CACNA1C: variants seen among roughly 807,000 people sequenced by gnomAD.
CACNA1C encodes the protein voltage-dependent L-type calcium channel subunit alpha-1C.
In CACNA1C, 30 loss-of-function variants were observed where a neutral mutation model predicts 229.0. The observed-to-expected ratio is 0.13, with a 90% confidence interval of 0.10 to 0.18. CACNA1C has a LOEUF of 0.18. Among genes scored for constraint, CACNA1C ranks in the 10% least tolerant of loss-of-function variants. The pLI is 1.00. For missense variants in CACNA1C, 1,658 were observed against 2,845.0 expected (o/e 0.58, Z 9.49); for synonymous variants, 1,114 against 1,132.5 (o/e 0.98, Z 0.33).
At chr12:2,385,595 G>A (rs1249357481) in intron 3 of CACNA1C, among the ~76,000 whole-genome samples, 1 of 151,956 alleles carries the variant, frequency 6.6e-6, no homozygotes, top group African/African-American at 2.4e-5. Context: ...GTCTCTTGAC[G>A]GGTCCCCCTG....
chr12:2,683,086 AG>A (rs1422723325), intron 43 of CACNA1C, among the ~76,000 whole-genome samples: 2 of 152,194 alleles, frequency 1.3e-5, no homozygotes, highest in African/African-American at 4.8e-5. Context: ...CTTATAATGA[AG>A]CTGCCCAGAA....
chr12:2,053,583 G>A lies in CACNA1C; in HGVS notation c.21G>A (p.Arg7=), dbSNP rs1386564518. The A allele has an allele frequency of 2.5e-6, 4 of 1,600,758 alleles. No homozygotes were observed. Among genetic ancestry groups the A allele is most frequent in the Admixed American group, 3.4e-5 (2 of 58,338 alleles). The change falls in exon 1 of 47, where the codon AGG becomes AGA. Residue 7 remains arginine, a synonymous_variant. Coordinates refer to ENST00000399655, the MANE Select transcript of CACNA1C (RefSeq NM_000719.7). The surrounding 1 kb of genome is among the most constrained non-coding windows in gnomAD (Gnocchi z 5.8). ...GGTCCATGGTCAATGAGAATACGAGGATGTACATTCCAGAGGAAAACCACC... is the reference window on the plus strand; with the variant it reads ...GGTCCATGGTCAATGAGAATACGAGAATGTACATTCCAGAGGAAAACCACC... The part of the protein sequence containing the change: MVNENT[R]MYIPEENHQG...
rs940644434 is a variant in CACNA1C at position 2,303,601 on chromosome 12, C to CA, written c.478-145366dup. On this transcript the variant is annotated intron_variant, in intron 3 of 46. Transcript: ENST00000399655. The stretch of plus-strand genomic sequence containing the variant: ...GTAACACAGGGAGACCCTGTCTGTA[C>CA]AAAAAAAAACAAACAAAATAGTATG... Among the ~76,000 whole-genome samples, 307 of 150,326 alleles carry CA rather than the reference C, an allele frequency of 2.0e-3. 3 individuals carry two copies. The highest frequency in any genetic ancestry group is 5.1e-3 in the African/African-American group (208 of 40,990).
chr12:2,239,504 C>T (rs962119158), intron 3 of CACNA1C, among the ~76,000 whole-genome samples: 1 of 152,172 alleles, frequency 6.6e-6, no homozygotes, highest in Non-Finnish European at 1.5e-5. Flanking sequence ...GCTGCTCTCT[C>T]CACCCAGCTG....
At chr12:2,387,725 G>A in intron 3 of CACNA1C, among the ~76,000 whole-genome samples, 1 of 152,170 alleles carries the variant, frequency 6.6e-6, no homozygotes, top group Non-Finnish European at 1.5e-5. Flanking sequence ...CCTGCAACTG[G>A]AAGATCCTGT....
rs1057025783 is a variant in CACNA1C at position 2,616,225 on chromosome 12, C to T, written c.3828+4212C>T. The stretch of plus-strand genomic sequence containing the variant: ...TGCTTTCTTGAATAAGCAGCTGAAA[C>T]CTCGGGAGGCCTGGCCCCTTTCCCA... On this transcript the variant is annotated intron_variant, in intron 29 of 46. Transcript: ENST00000399655. 9.2e-5 allele frequency among the ~76,000 whole-genome samples: 14 copies of T among 152,292 alleles called. No individual in the cohort carries two copies. In the East Asian group the frequency reaches 2.3e-3, roughly 25 times the overall value.
intron 13 of CACNA1C, among the ~76,000 whole-genome samples, chr12:2,579,333 G>T (rs954634069): frequency 5.9e-5 from 9 of 152,110 alleles, no homozygotes; most frequent in Non-Finnish European, 1.3e-4. Context: ...TGTGACTTCA[G>T]TGCACATGCG....
intron 1 of CACNA1C, among the ~76,000 whole-genome samples, chr12:1,981,345 A>G (rs112282192): frequency 0.027 from 4,143 of 152,344 alleles, 94 homozygotes; most frequent in Middle Eastern, 0.054. Flanking sequence ...AGCTTTGAAT[A>G]AAGAAATCCA....
chr12:2,448,505 C>T (rs1046659216), intron 3 of CACNA1C, among the ~76,000 whole-genome samples: 2 of 152,124 alleles, frequency 1.3e-5, no homozygotes, highest in African/African-American at 4.8e-5. Flanking sequence ...AGGAACTCGG[C>T]TAGTACCCTC....
chr12:2,656,644 C>T (rs1215859378), intron 34 of CACNA1C, among the ~76,000 whole-genome samples: 1 of 152,154 alleles, frequency 6.6e-6, no homozygotes, highest in Non-Finnish European at 1.5e-5. Context: ...GCAAGAAGAA[C>T]AAAGCTGGAG....
chr12:2,263,951 G>T (rs2081331559), intron 3 of CACNA1C, among the ~76,000 whole-genome samples: 1 of 152,182 alleles, frequency 6.6e-6, no homozygotes, highest in Admixed American at 6.5e-5. Context: ...CACTTGTTCA[G>T]CCAAGTCCTG....
intron 9 of CACNA1C, among the ~76,000 whole-genome samples, chr12:2,531,735 C>T (rs974793975): frequency 1.3e-5 from 2 of 152,176 alleles, no homozygotes; most frequent in African/African-American, 4.8e-5. Context: ...GCTCTCCTGC[C>T]CTTTTCCCAG....
At chr12:2,379,218 G>A (rs1380399816) in intron 3 of CACNA1C, among the ~76,000 whole-genome samples, 1 of 152,182 alleles carries the variant, frequency 6.6e-6, no homozygotes, top group Non-Finnish European at 1.5e-5. Flanking sequence ...AATTTTCTGG[G>A]TCCTGACTGA....
At chr12:2,329,143 C>A (rs1220196715) in intron 3 of CACNA1C, among the ~76,000 whole-genome samples, 2 of 152,170 alleles carry the variant, frequency 1.3e-5, no homozygotes, top group Non-Finnish European at 2.9e-5. Context: ...TGTTGGCCAC[C>A]TACTGAGTCT....
At chr12:2,096,243 G>T (rs192748205) in intron 1 of CACNA1C, among the ~76,000 whole-genome samples, 1 of 152,352 alleles carries the variant, frequency 6.6e-6, no homozygotes, top group South Asian at 2.1e-4. Context: ...AGTTGTGAAG[G>T]CATGTTTGTG....
At chr12:2,037,195 C>T (rs960880867) in intron 1 of CACNA1C, among the ~76,000 whole-genome samples, 1 of 152,184 alleles carries the variant, frequency 6.6e-6, no homozygotes, top group Non-Finnish European at 1.5e-5. Flanking sequence ...CAGCCAACGA[C>T]TGGATCACAT....
chr12:2,573,680 A>G (rs2057282374), intron 13 of CACNA1C, among the ~76,000 whole-genome samples: 1 of 152,262 alleles, frequency 6.6e-6, no homozygotes, highest in Non-Finnish European at 1.5e-5. Context: ...GTCATGACAC[A>G]GTGGTACATC....
Position 2,108,913 on chromosome 12 carries a change from C to T in CACNA1C, c.50-6311C>T, listed in dbSNP as rs897642973. ...TAAAGGGAATGCAGGCCCCTTGTCA[C>T]TACAGCAAGATGACAGACAGCAAGA... is the stretch of plus-strand genomic sequence containing the variant. On this transcript the variant is annotated intron_variant, in intron 1 of 46. Transcript: ENST00000399655. This position sits in a 1 kb window ranked among gnomAD's most constrained non-coding sequence, Gnocchi z 5.3. 6.6e-6 allele frequency among the ~76,000 whole-genome samples: 1 copy of T among 152,236 alleles called. No homozygotes were observed. The highest frequency in any genetic ancestry group is 2.4e-5 in the African/African-American group (1 of 41,470).
chr12:2,206,655 G>C (rs746659626), intron 3 of CACNA1C, among the ~76,000 whole-genome samples: 5 of 152,306 alleles, frequency 3.3e-5, no homozygotes, highest in Non-Finnish European at 7.3e-5. Context: ...TGAATAGCCA[G>C]CGTGGCCAGT....
Sources: allele counts gnomAD v4.1 joint callset (sites outside exome capture counted in the v4.1 genomes callset), GRCh38; gene constraint gnomAD v4.1.1; non-coding constraint Gnocchi (gnomAD v3.1); transcripts MANE v1.5; gene names NCBI Gene and HGNC (gene_info 2026-07-23, HGNC 2026-07-21).